The following CEP112 variants were observed in gnomAD, a reference collection of about 807,000 sequenced individuals.
The protein encoded by CEP112 is centrosomal protein 112, also known as centrosomal protein of 112 kDa.
A neutral mutation model predicts 153.0 loss-of-function variants in CEP112; 127 were observed. That is an observed-to-expected ratio of 0.83 (90% CI 0.72 to 0.96). CEP112 has a LOEUF of 0.96. Among genes scored for constraint, CEP112 ranks in the 40% least tolerant of loss-of-function variants. CEP112 has a pLI of 0.00. For missense variants in CEP112, 1,089 were observed against 1,101.2 expected, an observed-to-expected ratio of 0.99 and a Z score of 0.16; for synonymous variants, 358 against 374.4, an observed-to-expected ratio of 0.96 and a Z score of 0.51.
intron 17 of CEP112, among the ~76,000 whole-genome samples, chr17:65,966,615 C>T (rs762825845): frequency 3.3e-5 from 5 of 152,154 alleles, no homozygotes; most frequent in Non-Finnish European, 4.4e-5. Flanking sequence ...GACTCACAAG[C>T]GGCAATATCA....
intron 18 of CEP112, 72 bp downstream of exon 18, chr17:65,961,391 T>C (rs1486027668): frequency 1.5e-6 from 2 of 1,376,638 alleles, no homozygotes; most frequent in Admixed American, 2.2e-5. Context: ...GTTTCTGTCA[T>C]ATTTAAGATG....
intron 21 of CEP112, among the ~76,000 whole-genome samples, chr17:65,830,276 C>A (rs918079965): frequency 6.6e-6 from 1 of 151,290 alleles, no homozygotes; most frequent in Non-Finnish European, 1.5e-5. Context: ...ACTCCCTGGG[C>A]CCCCAGAATC....
At chr17:66,137,751 G>A (rs12949444) in intron 4 of CEP112, among the ~76,000 whole-genome samples, 25,880 of 151,912 alleles carry the variant, frequency 0.17, 2,792 homozygotes, top group Non-Finnish European at 0.25. Flanking sequence ...AGAGAGATAC[G>A]GTCCCAGATA....
chr17:65,652,289 C>A (rs1052737134), intron 24 of CEP112, among the ~76,000 whole-genome samples: 24 of 151,920 alleles, frequency 1.6e-4, no homozygotes, highest in African/African-American at 5.6e-4. Context: ...CTGAGTTGTG[C>A]CCCTAATCTG....
chr17:66,062,170 C>T (rs532082419), intron 11 of CEP112, among the ~76,000 whole-genome samples: 1 of 151,840 alleles, frequency 6.6e-6, no homozygotes, highest in African/African-American at 2.4e-5. Flanking sequence ...TTATAAATTA[C>T]CCAGTCTCAG....
At chr17:66,137,969 T>C (rs1052355167) in intron 4 of CEP112, among the ~76,000 whole-genome samples, 1 of 152,054 alleles carries the variant, frequency 6.6e-6, no homozygotes, top group African/African-American at 2.4e-5. Context: ...AACATAAAAA[T>C]GAAAAGATGA....
chr17:65,898,131 C>A (rs1463242779), intron 20 of CEP112, among the ~76,000 whole-genome samples: 1 of 152,000 alleles, frequency 6.6e-6, no homozygotes, highest in Admixed American at 6.6e-5. Context: ...TAAAATGCTG[C>A]TTTAGATCCT....
chr17:65,928,260 A>G (rs1186574166), intron 18 of CEP112, among the ~76,000 whole-genome samples: 1 of 152,228 alleles, frequency 6.6e-6, no homozygotes. Flanking sequence ...AGCAATAATA[A>G]AAAAGGACAA....
intron 6 of CEP112, among the ~76,000 whole-genome samples, chr17:66,112,287 G>C (rs1455682062): frequency 6.6e-6 from 1 of 151,110 alleles, no homozygotes; most frequent in African/African-American, 2.4e-5. Context: ...GTGAGACTTT[G>C]TCTCAAAAAA....
intron 26 of CEP112, among the ~76,000 whole-genome samples, 160 bp from the exon 27 acceptor site, chr17:65,636,134 T>C (rs1398185699): frequency 6.6e-6 from 1 of 152,254 alleles, no homozygotes; most frequent in Admixed American, 6.5e-5. Flanking sequence ...AAATCTTACC[T>C]ACACCGAGCA....
intron 21 of CEP112, among the ~76,000 whole-genome samples, chr17:65,822,302 T>C (rs891060738): frequency 6.6e-5 from 10 of 152,122 alleles, no homozygotes; most frequent in Non-Finnish European, 1.0e-4. Context: ...ACAGTCTTCC[T>C]TAGGTACCCA....
intron 12 of CEP112, among the ~76,000 whole-genome samples, chr17:66,044,209 C>T (rs1440538471): frequency 6.6e-6 from 1 of 151,826 alleles, no homozygotes; most frequent in African/African-American, 2.4e-5. Flanking sequence ...AATGATATTT[C>T]TCTCAATATT....
intron 21 of CEP112, among the ~76,000 whole-genome samples, chr17:65,832,056 T>A (rs1478000217): frequency 6.6e-6 from 1 of 152,180 alleles, no homozygotes; most frequent in Non-Finnish European, 1.5e-5. Context: ...ATCATGTAAT[T>A]ACATGGAAAT....
At chr17:65,984,176 AG>A (rs1291761020) in intron 17 of CEP112, among the ~76,000 whole-genome samples, 2 of 97,288 alleles carry the variant, frequency 2.1e-5, no homozygotes, top group African/African-American at 1.0e-4. Flanking sequence ...CCTAAATCCA[AG>A]GGTTTTTTTT....
At chr17:65,745,543 T>C (rs2051394342) in intron 22 of CEP112, among the ~76,000 whole-genome samples, 1 of 152,210 alleles carries the variant, frequency 6.6e-6, no homozygotes, top group South Asian at 2.1e-4. Context: ...ATTGATCTTT[T>C]ATGAGAACAT....
intron 20 of CEP112, among the ~76,000 whole-genome samples, chr17:65,882,559 A>G (rs1184571704): frequency 6.6e-6 from 1 of 152,188 alleles, no homozygotes; most frequent in African/African-American, 2.4e-5. Context: ...GCATAGTTCA[A>G]TGTATTGATT....
chr17:65,778,083 C>T (rs534552096), intron 21 of CEP112, among the ~76,000 whole-genome samples: 1 of 152,264 alleles, frequency 6.6e-6, no homozygotes, highest in South Asian at 2.1e-4. Context: ...AGGATCAGTC[C>T]TGCTTACCAA....
chr17:65,923,737 C>G (rs184386283), intron 19 of CEP112, among the ~76,000 whole-genome samples: 2 of 152,002 alleles, frequency 1.3e-5, no homozygotes, highest in Non-Finnish European at 2.9e-5. Context: ...ACCCATAATA[C>G]CAGGCCAATT....
intron 24 of CEP112, among the ~76,000 whole-genome samples, chr17:65,654,055 T>TC (rs2045929596): frequency 4.0e-5 from 1 of 25,152 alleles, no homozygotes; most frequent in African/African-American, 2.0e-4. Flanking sequence ...CAAGACTCCA[T>TC]CAAAAAAAAA....
Sources: gnomAD v4.1 joint callset for allele counts (sites outside exome capture counted in the v4.1 genomes callset) on GRCh38, gnomAD v4.1.1 for gene constraint, MANE v1.5 for transcripts, NCBI Gene and HGNC (gene_info 2026-07-23, HGNC 2026-07-21) for gene names.